Variants in CDH13 observed in about 807,000 individuals in gnomAD.
CDH13 encodes the protein cadherin-13.
In CDH13, 24 loss-of-function variants were observed where a neutral mutation model predicts 63.8. The observed-to-expected ratio is 0.38, with a 90% CI of 0.27 to 0.53. CDH13 has a LOEUF of 0.53. Among genes scored for constraint, CDH13 ranks in the 20% least tolerant of loss-of-function variants. CDH13 has a pLI of 0.85. For missense variants in CDH13, 1,049 were observed against 903.1 expected (o/e 1.16, Z -2.07); for synonymous variants, 503 against 355.3 (o/e 1.42, Z -4.67).
chr16:83,171,302 A>C (rs1002338952), intron 4 of CDH13, among the ~76,000 whole-genome samples: 2 of 152,088 alleles, frequency 1.3e-5, no homozygotes, highest in African/African-American at 2.4e-5. Flanking sequence ...TGAGAACTCT[A>C]TCATGAGAAC....
At chr16:83,075,957 G>A (rs1326141915) in intron 3 of CDH13, among the ~76,000 whole-genome samples, 1 of 152,126 alleles carries the variant, frequency 6.6e-6, no homozygotes, top group Non-Finnish European at 1.5e-5. Context: ...GATCAGCTTC[G>A]TGACAAAAAC....
At chr16:83,622,668 A>G (rs1909921376) in intron 8 of CDH13, among the ~76,000 whole-genome samples, 1 of 152,228 alleles carries the variant, frequency 6.6e-6, no homozygotes, top group African/African-American at 2.4e-5. Flanking sequence ...GCTCATTTTT[A>G]CATTAGCCCG....
At chr16:82,930,330 G>A (rs1393895570) in intron 2 of CDH13, among the ~76,000 whole-genome samples, 7 of 152,010 alleles carry the variant, frequency 4.6e-5, no homozygotes, top group Non-Finnish European at 4.4e-5. Flanking sequence ...GTCTGTATGG[G>A]ACTCTCTCTT....
intron 8 of CDH13, among the ~76,000 whole-genome samples, chr16:83,650,068 G>T (rs116298617): frequency 3.5e-4 from 54 of 152,302 alleles, no homozygotes; most frequent in African/African-American, 1.2e-3. Flanking sequence ...GGGTGACACA[G>T]CTGCCTCCTT....
rs575367788 is a variant in CDH13, at chr16:82,892,254, C to A, written c.157+33781C>A. Among the ~76,000 whole-genome samples, 17 of 152,288 alleles carry A rather than the reference C, an allele frequency of 1.1e-4. 1 individual carries two copies. The South Asian group carries it at 3.5e-3, about 32-fold the overall frequency. On this transcript the variant is annotated intron_variant, in intron 2 of 13. Coordinates refer to ENST00000567109, the MANE Select transcript of CDH13 (RefSeq NM_001257.5). ...AACGCTTAGGATGGTGGTGGACGTA[C>A]AAAACACTCAATAAGAATTTGCTTT...
At chr16:82,667,083 G>A (rs894990328) in intron 1 of CDH13, among the ~76,000 whole-genome samples, 12 of 152,156 alleles carry the variant, frequency 7.9e-5, no homozygotes, top group African/African-American at 1.4e-4. Context: ...TCTAGAGGGG[G>A]AATACTTTGA....
At chr16:82,753,726 C>T (rs557553664) in intron 1 of CDH13, among the ~76,000 whole-genome samples, 5 of 152,200 alleles carry the variant, frequency 3.3e-5, no homozygotes, top group African/African-American at 1.2e-4. Context: ...TTTGCCATCT[C>T]ATAAACAGGC....
chr16:83,645,004 C>T (rs751096580), intron 8 of CDH13, among the ~76,000 whole-genome samples: 16 of 152,206 alleles, frequency 1.1e-4, no homozygotes, highest in African/African-American at 3.6e-4. Context: ...ACTCTTGAAC[C>T]TAACCCCATT....
chr16:82,973,272 T>C (rs1909028696), intron 2 of CDH13, among the ~76,000 whole-genome samples: 1 of 152,254 alleles, frequency 6.6e-6, no homozygotes, highest in South Asian at 2.1e-4. Context: ...TCAGACGGTC[T>C]GCATCCCTCC....
chr16:82,799,773 T>C (rs1453558637), intron 1 of CDH13, among the ~76,000 whole-genome samples: 4 of 152,162 alleles, frequency 2.6e-5, no homozygotes, highest in Non-Finnish European at 5.9e-5. Context: ...AATGTGGCTA[T>C]GGAATTTGAT....
intron 1 of CDH13, among the ~76,000 whole-genome samples, chr16:82,785,980 A>G (rs1298986884): frequency 6.6e-6 from 1 of 152,196 alleles, no homozygotes; most frequent in African/African-American, 2.4e-5. Flanking sequence ...GGCTAGGGTT[A>G]GACCACACAG....
intron 10 of CDH13, among the ~76,000 whole-genome samples, chr16:83,685,349 T>C (rs117427083): frequency 6.6e-6 from 1 of 152,296 alleles, no homozygotes; most frequent in East Asian, 1.9e-4. Flanking sequence ...TTCTGCTTAA[T>C]AAATAACTAC....
chr16:83,187,410 T>C (rs1002738478), intron 4 of CDH13, among the ~76,000 whole-genome samples: 1 of 152,180 alleles, frequency 6.6e-6, no homozygotes, highest in Non-Finnish European at 1.5e-5. Flanking sequence ...AGGTTTCATT[T>C]TTCCCGTCAT....
chr16:83,435,197 C>G (rs2072257661), intron 6 of CDH13, among the ~76,000 whole-genome samples: 1 of 151,826 alleles, frequency 6.6e-6, no homozygotes, highest in Non-Finnish European at 1.5e-5. Flanking sequence ...CAGGAGCCTG[C>G]TACCATGTCC....
In CDH13 at chr16:83,693,594, A is replaced by T. The variant is rs560674191; in HGVS notation, c.1538+15133A>T. On this transcript the variant is annotated intron_variant, in intron 10 of 13. Coordinates refer to ENST00000567109, the MANE Select transcript of CDH13 (RefSeq NM_001257.5). ...GAGTTTCTAAATATTAAGTTTTGCC[A>T]TCTGCTGTTTGCTTGCCTGTAAGCA... 3.9e-5 allele frequency among the ~76,000 whole-genome samples: 6 copies of T among 152,318 alleles called. No individual in the cohort carries two copies. In the East Asian group the frequency reaches 1.2e-3, roughly 29 times the overall value.
rs116959216 is a variant in CDH13, at chr16:82,802,021, G to A, written c.46-56341G>A. ...CACCTCCATGGGCGGGTGGGGCTCA[G>A]TTCCGTTGAGGATCTCTGGAAGACT... is the stretch of plus-strand genomic sequence containing the variant. On this transcript the variant is annotated intron_variant, in intron 1 of 13. Coordinates refer to ENST00000567109, the MANE Select transcript of CDH13 (RefSeq NM_001257.5). Among the ~76,000 whole-genome samples the A allele has an allele frequency of 1.7e-3, 254 of 152,310 alleles. 1 individual carries two copies. The highest frequency in any genetic ancestry group is 3.1e-3 in the Non-Finnish European group (210 of 68,026).
chr16:83,024,492 G>A (rs1915619375), intron 2 of CDH13, among the ~76,000 whole-genome samples: 2 of 152,146 alleles, frequency 1.3e-5, no homozygotes, highest in African/African-American at 4.8e-5. Flanking sequence ...GCCCTCAGGA[G>A]TGTGGGCTCT....
chr16:83,795,120 G>T lies in CDH13; in HGVS notation c.*90G>T. 1 of 1,153,798 alleles carries T rather than the reference G, an allele frequency of 8.7e-7. No individual in the cohort carries two copies. Among genetic ancestry groups the T allele is most frequent in the South Asian group, 1.4e-5 (1 of 69,800 alleles). 71.5% of individuals were successfully genotyped at this position (1,153,798 alleles called of 1,614,324 possible). A position where few individuals can be genotyped will look rare whatever the true frequency, so the allele number is the denominator to read the frequency against. ...CCAAATCTGAAGATTGCGGTTTACA[G>T]CTATCGAACTTCACAACTAGGCCTC... On this transcript the variant is annotated 3_prime_UTR_variant, in exon 14 of 14. Transcript: ENST00000567109.
chr16:83,433,171 G>T (rs2072179126), intron 6 of CDH13, among the ~76,000 whole-genome samples: 1 of 152,192 alleles, frequency 6.6e-6, no homozygotes, highest in South Asian at 2.1e-4. Flanking sequence ...CGTCTTCCTG[G>T]AACTTACTGG....
Sources: gnomAD v4.1 joint callset for allele counts (sites outside exome capture counted in the v4.1 genomes callset) on GRCh38, gnomAD v4.1.1 for gene constraint, MANE v1.5 for transcripts, NCBI Gene and HGNC (gene_info 2026-07-23, HGNC 2026-07-21) for gene names.